The following CCDC102B variants were observed in gnomAD, a reference collection of about 807,000 sequenced individuals.
The protein encoded by CCDC102B is coiled-coil domain-containing protein 102B.
Under a neutral mutation model 57.4 loss-of-function variants are expected in CCDC102B, and 75 were observed. The observed-to-expected ratio is 1.31, with a 90% CI of 1.08 to 1.58. The LOEUF (loss-of-function observed/expected upper bound fraction) is 1.58. CCDC102B is among the 40% of genes most tolerant of loss of function. The pLI is 0.00. For synonymous variants in CCDC102B, 206 were observed against 201.9 expected, an observed-to-expected ratio of 1.02 and a Z score of -0.17; for missense variants, 636 against 582.6, an observed-to-expected ratio of 1.09 and a Z score of -0.94.
intron 6 of CCDC102B, among the ~76,000 whole-genome samples, chr18:68,929,297 A>G (rs1160513934): frequency 2.0e-5 from 3 of 151,902 alleles, no homozygotes; most frequent in Non-Finnish European, 4.4e-5. Context: ...AGTGTCTCAC[A>G]AGACTAAGAA....
rs138720771 is a variant in CCDC102B, at chr18:69,045,301, G to C, written c.1435-8729G>C. ...AAAAATATAATGATTATGATAAAAT[G>C]AATACAAACAAACTTTTCTAGTGAA... is the stretch of plus-strand genomic sequence containing the variant. On this transcript the variant is annotated intron_variant, in intron 7 of 7. Coordinates refer to ENST00000360242, the MANE Select transcript of CCDC102B (RefSeq NM_024781.3). Among the ~76,000 whole-genome samples, 212 of 152,020 alleles carry C rather than the reference G, an allele frequency of 1.4e-3. 4 individuals are homozygous for C. Among genetic ancestry groups the C allele is most frequent in the Admixed American group, 0.013 (199 of 15,232 alleles).
At chr18:68,715,720 A>G (rs990866867) in intron 1 of CCDC102B, 1 of 152,238 alleles carries the variant, frequency 6.6e-6, no homozygotes, top group South Asian at 2.1e-4. Context: ...TAGATAAAGT[A>G]GTATGAAATA....
At chr18:68,910,802 C>T (rs1339627206) in intron 6 of CCDC102B, among the ~76,000 whole-genome samples, 1 of 152,030 alleles carries the variant, frequency 6.6e-6, no homozygotes, top group Non-Finnish European at 1.5e-5. Context: ...CTTCTTTAGG[C>T]ATTACAGTCT....
upstream of CCDC102B, among the ~76,000 whole-genome samples, chr18:68,795,935 G>C (rs906357284): frequency 2.6e-5 from 4 of 152,130 alleles, no homozygotes; most frequent in African/African-American, 4.8e-5. Flanking sequence ...GGAAAGAAAA[G>C]TAATAAGAGA....
At chr18:69,004,123 G>T (rs2051277933) in intron 6 of CCDC102B, among the ~76,000 whole-genome samples, 1 of 152,074 alleles carries the variant, frequency 6.6e-6, no homozygotes, top group African/African-American at 2.4e-5. Flanking sequence ...TCCCATCCAT[G>T]GACTTTTGCT....
At chr18:68,735,473 G>A (rs1254855645) in intron 2 of CCDC102B, among the ~76,000 whole-genome samples, 1 of 151,954 alleles carries the variant, frequency 6.6e-6, no homozygotes, top group Non-Finnish European at 1.5e-5. Flanking sequence ...CATTTTTGTT[G>A]CTACATCTGA....
At chr18:68,780,631 A>G (rs2034975830) in intron 2 of CCDC102B, among the ~76,000 whole-genome samples, 1 of 152,112 alleles carries the variant, frequency 6.6e-6, no homozygotes, top group Admixed American at 6.6e-5. Context: ...ATAAGGTAGT[A>G]TCTCCTTGTT....
chr18:68,979,975 T>C (rs529212356), intron 6 of CCDC102B, among the ~76,000 whole-genome samples: 1 of 151,996 alleles, frequency 6.6e-6, no homozygotes, highest in Non-Finnish European at 1.5e-5. Flanking sequence ...GGTTTTTGTT[T>C]TGTTTTTTTG....
At chr18:68,952,042 G>A (rs114743914) in intron 6 of CCDC102B, among the ~76,000 whole-genome samples, 1 of 152,096 alleles carries the variant, frequency 6.6e-6, no homozygotes, top group Non-Finnish European at 1.5e-5. Context: ...GCATTCCAGT[G>A]TGTAAAGTGA....
chr18:68,848,068 C>T (rs1174504720), intron 4 of CCDC102B, among the ~76,000 whole-genome samples: 1 of 151,584 alleles, frequency 6.6e-6, no homozygotes, highest in African/African-American at 2.4e-5. Context: ...AACAATACTA[C>T]TTAGAATGAG....
At chr18:68,973,644 T>C (rs555072743) in intron 6 of CCDC102B, among the ~76,000 whole-genome samples, 1 of 152,130 alleles carries the variant, frequency 6.6e-6, no homozygotes, top group Admixed American at 6.6e-5. Context: ...ATGTACAATA[T>C]AGAAATGGTT....
At chr18:69,047,348 T>C (rs1306078556) in intron 7 of CCDC102B, among the ~76,000 whole-genome samples, 1 of 152,078 alleles carries the variant, frequency 6.6e-6, no homozygotes, top group East Asian at 1.9e-4. Context: ...TATCCCTTCA[T>C]CTTAAAAACC....
intron 6 of CCDC102B, among the ~76,000 whole-genome samples, chr18:68,977,876 T>C (rs921828066): frequency 2.6e-5 from 4 of 152,030 alleles, no homozygotes; most frequent in Admixed American, 6.6e-5. Context: ...ATCTTTGTTT[T>C]GGCTAGATCA....
At position 69,011,114 on chromosome 18, in the gene CCDC102B, T is replaced by G. The variant is rs1445054850; in HGVS notation, c.1434+10T>G. On this transcript the variant is annotated intron_variant, in intron 7 of 7. Coordinates refer to ENST00000360242, the MANE Select transcript of CCDC102B (RefSeq NM_024781.3). ...TCAAAAAGAAGATGAGGTACTACTTTATGAGTGAACACGTGCTGGACAGCT... is the reference window on the plus strand; with the variant it reads ...TCAAAAAGAAGATGAGGTACTACTTGATGAGTGAACACGTGCTGGACAGCT... 10 of 1,609,768 alleles carry G rather than the reference T, an allele frequency of 6.2e-6. No homozygotes were observed. The highest frequency in any genetic ancestry group is 1.3e-5 in the African/African-American group (1 of 74,676).
chr18:68,969,435 T>C (rs1316277305), intron 6 of CCDC102B, among the ~76,000 whole-genome samples: 2 of 152,066 alleles, frequency 1.3e-5, no homozygotes, highest in East Asian at 3.9e-4. Flanking sequence ...TGGTTTAATA[T>C]ACTAACATTT....
At chr18:68,908,841 A>G (rs908085986) in intron 6 of CCDC102B, among the ~76,000 whole-genome samples, 9 of 152,144 alleles carry the variant, frequency 5.9e-5, no homozygotes, top group Non-Finnish European at 1.3e-4. Context: ...ACTAGGTTTT[A>G]TTTAAATTTA....
chr18:68,935,670 G>A (rs185347009), intron 6 of CCDC102B, among the ~76,000 whole-genome samples: 2 of 152,016 alleles, frequency 1.3e-5, no homozygotes, highest in Admixed American at 1.3e-4. Flanking sequence ...CGAATTGATA[G>A]AAAAGCAACC....
At position 68,802,099 on chromosome 18, in the gene CCDC102B, CA is replaced by C. The variant is rs559016473; in HGVS notation, c.-16+3919del. Among the ~76,000 whole-genome samples, 76 of 152,144 alleles carry C rather than the reference CA, an allele frequency of 5.0e-4. 1 individual carries two copies. Among genetic ancestry groups the C allele is most frequent in the Non-Finnish European group, 1.0e-3 (68 of 68,002 alleles). ...AGAAAGATGTGGAAGTGCCATAATCCATTGGTGTTTCATATAATTCTAGAAG... is the reference window on the plus strand; with the variant it reads ...AGAAAGATGTGGAAGTGCCATAATCCTTGGTGTTTCATATAATTCTAGAAG... On this transcript the variant is annotated intron_variant, in intron 1 of 7. Transcript: ENST00000360242.
At chr18:68,997,914 T>C (rs1540432) in intron 6 of CCDC102B, among the ~76,000 whole-genome samples, 130,439 of 151,968 alleles carry the variant, frequency 0.86, 57,904 homozygotes, top group Non-Finnish European at 0.97. Context: ...ATTTTTTCTG[T>C]TGTGTTTGTT....
Sources: allele counts gnomAD v4.1 joint callset (sites outside exome capture counted in the v4.1 genomes callset), GRCh38; gene constraint gnomAD v4.1.1; transcripts MANE v1.5; gene names NCBI Gene and HGNC (gene_info 2026-07-23, HGNC 2026-07-21).